The following PDE8B variants were observed in gnomAD, a reference collection of about 807,000 sequenced individuals.
PDE8B encodes the protein phosphodiesterase 8B, also known as high affinity cAMP-specific and IBMX-insensitive 3',5'-cyclic phosphodiesterase 8B.
A neutral mutation model predicts 101.3 loss-of-function variants in PDE8B; 26 were observed. That is an observed-to-expected ratio of 0.26 (90% CI 0.19 to 0.36). PDE8B has a LOEUF of 0.36. Among genes scored for constraint, PDE8B ranks in the 10% least tolerant of loss-of-function variants. The pLI is 1.00. For synonymous variants in PDE8B, 424 were observed against 429.3 expected (o/e 0.99, Z 0.15); for missense variants, 810 against 1,163.1 (o/e 0.70, Z 4.42).
chr5:77,318,354 A>G (rs1377204164), intron 2 of PDE8B, among the ~76,000 whole-genome samples: 1 of 152,150 alleles, frequency 6.6e-6, no homozygotes, highest in Non-Finnish European at 1.5e-5. Flanking sequence ...AGTTGTTAAG[A>G]ATTTTCATCT....
At chr5:77,099,610 CTTTTTTTT>C in the PDE8B span, among the ~76,000 whole-genome samples, 8 of 147,000 alleles carry the variant, frequency 5.4e-5, no homozygotes, top group South Asian at 4.3e-4. Flanking sequence ...CTTTTCTTTT[CTTTTTTTT>C]TTTTTCTTTG....
the PDE8B span, among the ~76,000 whole-genome samples, chr5:77,185,506 GACTCT>G: frequency 6.6e-6 from 1 of 152,102 alleles, no homozygotes; most frequent in Non-Finnish European, 1.5e-5. Flanking sequence ...CCTCTTTAAA[GACTCT>G]ATCTCCAAAT....
the PDE8B span, among the ~76,000 whole-genome samples, chr5:77,169,874 G>T: frequency 6.6e-6 from 1 of 152,182 alleles, no homozygotes; most frequent in African/African-American, 2.4e-5. Flanking sequence ...AAGTGATTAG[G>T]TATGCAAAGG....
the PDE8B span, among the ~76,000 whole-genome samples, chr5:77,095,844 C>A: frequency 6.6e-6 from 1 of 152,166 alleles, no homozygotes; most frequent in East Asian, 1.9e-4. Flanking sequence ...CTTTAGCCGA[C>A]TTCATATTGC....
At chr5:77,361,716 A>G (rs746038639) in intron 10 of PDE8B, among the ~76,000 whole-genome samples, 7 of 151,934 alleles carry the variant, frequency 4.6e-5, no homozygotes, top group Non-Finnish European at 7.4e-5. Flanking sequence ...GGGTTTCACT[A>G]TGTTGGCCAG....
At chr5:77,160,643 C>G in the PDE8B span, among the ~76,000 whole-genome samples, 1 of 151,820 alleles carries the variant, frequency 6.6e-6, no homozygotes, top group African/African-American at 2.4e-5. Context: ...ATATCTTTTT[C>G]TTTTTGATTT....
the PDE8B span, among the ~76,000 whole-genome samples, chr5:77,132,263 C>T: frequency 6.6e-6 from 1 of 152,262 alleles, no homozygotes; most frequent in East Asian, 1.9e-4. Flanking sequence ...TCTAATTCCA[C>T]TTTCCAGACT....
At chr5:77,269,742 T>C (rs1444052829) in intron 1 of PDE8B, among the ~76,000 whole-genome samples, 1 of 152,200 alleles carries the variant, frequency 6.6e-6, no homozygotes, top group Non-Finnish European at 1.5e-5. Flanking sequence ...CTTTCTTCAA[T>C]ATATATTCTT....
the PDE8B span, among the ~76,000 whole-genome samples, chr5:77,204,447 G>T: frequency 3.3e-5 from 5 of 151,684 alleles, no homozygotes; most frequent in Non-Finnish European, 7.4e-5. Flanking sequence ...TAATCATTTG[G>T]CAAACAACAA....
At chr5:77,126,655 G>A in the PDE8B span, among the ~76,000 whole-genome samples, 1 of 152,142 alleles carries the variant, frequency 6.6e-6, no homozygotes, top group African/African-American at 2.4e-5. Context: ...CTGAGCTCGA[G>A]CAATCCTATC....
intron 2 of PDE8B, among the ~76,000 whole-genome samples, chr5:77,320,423 C>G (rs564219150): frequency 6.6e-6 from 1 of 152,274 alleles, no homozygotes; most frequent in Non-Finnish European, 1.5e-5. Flanking sequence ...TGCATCTTCT[C>G]CTCTTTTGCT....
At chr5:77,293,902 T>A (rs148983719) in intron 1 of PDE8B, among the ~76,000 whole-genome samples, 543 of 152,314 alleles carry the variant, frequency 3.6e-3, no homozygotes, top group Non-Finnish European at 6.1e-3. Context: ...GTGTTTGTTT[T>A]CTTAATGTTG....
At chr5:77,212,391 G>A (rs888475077) in intron 1 of PDE8B, among the ~76,000 whole-genome samples, 5 of 152,176 alleles carry the variant, frequency 3.3e-5, no homozygotes, top group Non-Finnish European at 1.5e-5. Context: ...GAGGAGTGAG[G>A]AGAAGGATAA....
intron 10 of PDE8B, among the ~76,000 whole-genome samples, chr5:77,374,756 T>G (rs1785725496): frequency 6.6e-6 from 1 of 152,224 alleles, no homozygotes; most frequent in Non-Finnish European, 1.5e-5. Flanking sequence ...AAATTTAATC[T>G]ACTATGTACC....
At chr5:77,169,269 C>T in the PDE8B span, among the ~76,000 whole-genome samples, 2 of 152,150 alleles carry the variant, frequency 1.3e-5, no homozygotes, top group African/African-American at 2.4e-5. Context: ...ATAGCAGGGG[C>T]GCAGTTCAGC....
intron 12 of PDE8B, among the ~76,000 whole-genome samples, chr5:77,405,638 A>AGG (rs1252830467): frequency 6.6e-6 from 1 of 152,062 alleles, no homozygotes; most frequent in African/African-American, 2.4e-5. Flanking sequence ...AGTCTCAGCC[A>AGG]GGGGGTGGGC....
At chr5:77,355,752 G>A (rs1235266436) in intron 10 of PDE8B, among the ~76,000 whole-genome samples, 1 of 152,214 alleles carries the variant, frequency 6.6e-6, no homozygotes, top group Non-Finnish European at 1.5e-5. Context: ...ATGTCAGGGA[G>A]GCCACAGACA....
At chr5:77,151,942 A>G in the PDE8B span, 1 of 152,202 alleles carries the variant, frequency 6.6e-6, no homozygotes, top group Non-Finnish European at 1.5e-5. Flanking sequence ...GAAGACCATT[A>G]TGGTAACAGG....
At chr5:77,423,632 G>GTTTTGTTTTTTTT (rs1797209696) in intron 20 of PDE8B, among the ~76,000 whole-genome samples, 2 of 74,042 alleles carry the variant, frequency 2.7e-5, no homozygotes. Flanking sequence ...GTTTTGTTTA[G>GTTTTGTTTTTTTT]TTTTTTTTTT....
Sources: gnomAD v4.1 joint callset for allele counts (sites outside exome capture counted in the v4.1 genomes callset) on GRCh38, gnomAD v4.1.1 for gene constraint, MANE v1.5 for transcripts, NCBI Gene and HGNC (gene_info 2026-07-23, HGNC 2026-07-21) for gene names.